FBXW10B: variants seen among roughly 807,000 people sequenced by gnomAD.
FBXW10B encodes the protein F-box and WD repeat domain containing 10B.
chr17:15,603,163 C>T, the FBXW10B span, among the ~76,000 whole-genome samples: 1 of 151,490 alleles, frequency 6.6e-6, no homozygotes, highest in Non-Finnish European at 1.5e-5. Context: ...GGCTTACAGG[C>T]GTGAGCCACC....
the FBXW10B span, among the ~76,000 whole-genome samples, chr17:15,604,302 A>G: frequency 6.6e-6 from 1 of 152,120 alleles, no homozygotes; most frequent in African/African-American, 2.4e-5. Flanking sequence ...GAGTTCAAAA[A>G]CAGGCACAAG....
the FBXW10B span, among the ~76,000 whole-genome samples, chr17:15,604,913 A>G: frequency 6.6e-6 from 1 of 152,246 alleles, no homozygotes; most frequent in African/African-American, 2.4e-5. Context: ...CCCCTGAAAG[A>G]ATCTGTAAGA....
At chr17:15,605,562 G>C in the FBXW10B span, 2 of 1,459,146 alleles carry the variant, frequency 1.4e-6, no homozygotes, top group Non-Finnish European at 1.8e-6. Flanking sequence ...GCAGCAGAAG[G>C]CAAGGTTGAG....
At chr17:15,617,135 G>A in the FBXW10B span, among the ~76,000 whole-genome samples, 9 of 152,130 alleles carry the variant, frequency 5.9e-5, no homozygotes, top group African/African-American at 1.9e-4. Flanking sequence ...CTAACTTACT[G>A]TTTTTGACAC....
At chr17:15,596,048 T>A in the FBXW10B span, among the ~76,000 whole-genome samples, 1 of 151,612 alleles carries the variant, frequency 6.6e-6, no homozygotes, top group Non-Finnish European at 1.5e-5. Context: ...CCGGCTAATT[T>A]TTTGTATTTT....
the FBXW10B span, among the ~76,000 whole-genome samples, chr17:15,591,126 C>G: frequency 6.6e-6 from 1 of 152,168 alleles, no homozygotes; most frequent in Non-Finnish European, 1.5e-5. Flanking sequence ...AGGCAGTTTC[C>G]TCCTGAAGAG....
At chr17:15,596,617 T>C in the FBXW10B span, 1 of 1,613,450 alleles carries the variant, frequency 6.2e-7, no homozygotes, top group Non-Finnish European at 8.5e-7. Flanking sequence ...GATGGGGTCT[T>C]TGTGTCTAAA....
At chr17:15,610,138 A>G in the FBXW10B span, among the ~76,000 whole-genome samples, 1 of 152,202 alleles carries the variant, frequency 6.6e-6, no homozygotes, top group Admixed American at 6.5e-5. Flanking sequence ...CTGGGATTAC[A>G]GGCATGAGCC....
At chr17:15,612,560 C>T in the FBXW10B span, 1 of 1,232,996 alleles carries the variant, frequency 8.1e-7, no homozygotes, top group Non-Finnish European at 1.1e-6. Context: ...AGTAGCAACA[C>T]AGAACTCTCG....
chr17:15,604,263 A>C, the FBXW10B span, among the ~76,000 whole-genome samples: 1 of 152,316 alleles, frequency 6.6e-6, no homozygotes, highest in South Asian at 2.1e-4. Flanking sequence ...GGTACCAACA[A>C]ATTTTTAAAA....
the FBXW10B span, among the ~76,000 whole-genome samples, chr17:15,600,408 T>C: frequency 6.7e-5 from 10 of 148,254 alleles, no homozygotes; most frequent in Non-Finnish European, 1.3e-4. Flanking sequence ...CATTGAATGA[T>C]GGCACAGTGC....
the FBXW10B span, among the ~76,000 whole-genome samples, chr17:15,602,659 C>A: frequency 2.3e-5 from 2 of 85,826 alleles, no homozygotes; most frequent in African/African-American, 6.7e-5. Flanking sequence ...GACGGAGTCT[C>A]GCTGTCGCCC....
At chr17:15,589,977 C>T in the FBXW10B span, among the ~76,000 whole-genome samples, 2 of 152,174 alleles carry the variant, frequency 1.3e-5, no homozygotes, top group African/African-American at 4.8e-5. Context: ...TATTCTAAAA[C>T]GTATGTGCTT....
the FBXW10B span, among the ~76,000 whole-genome samples, chr17:15,592,671 A>AG: frequency 9.9e-5 from 15 of 151,702 alleles, no homozygotes; most frequent in Non-Finnish European, 1.2e-4. Context: ...GTGAGGCATC[A>AG]AAGATAGCTG....
the FBXW10B span, among the ~76,000 whole-genome samples, chr17:15,577,685 C>T: frequency 5.3e-5 from 8 of 152,014 alleles, no homozygotes; most frequent in South Asian, 2.1e-4. Context: ...TCACGTAAGA[C>T]GATGTGAAAA....
At chr17:15,570,539 A>G in the FBXW10B span, among the ~76,000 whole-genome samples, 2 of 152,238 alleles carry the variant, frequency 1.3e-5, no homozygotes, top group African/African-American at 4.8e-5. Flanking sequence ...TACACTGTGA[A>G]GGCTGTTCTA....
chr17:15,573,086 C>G, the FBXW10B span: 2 of 152,262 alleles, frequency 1.3e-5, no homozygotes, highest in Admixed American at 6.5e-5. Context: ...GCCTACTCTT[C>G]TCTGAAACGT....
chr17:15,607,231 C>T, the FBXW10B span, among the ~76,000 whole-genome samples: 4 of 149,978 alleles, frequency 2.7e-5, no homozygotes, highest in East Asian at 5.9e-4. Flanking sequence ...TATACATTTT[C>T]TGGCATTTGA....
At chr17:15,590,598 C>T in the FBXW10B span, among the ~76,000 whole-genome samples, 5 of 149,408 alleles carry the variant, frequency 3.3e-5, no homozygotes, top group South Asian at 2.1e-4. Flanking sequence ...CTCCCGGTCA[C>T]GTTCCTCTTC....
Sources: allele counts gnomAD v4.1 joint callset (sites outside exome capture counted in the v4.1 genomes callset), GRCh38; gene constraint gnomAD v4.1.1; transcripts MANE v1.5; gene names NCBI Gene and HGNC (gene_info 2026-07-23, HGNC 2026-07-21).